BDNF: variants seen among roughly 807,000 people sequenced by gnomAD.
BDNF encodes brain derived neurotrophic factor, also known as neurotrophic factor BDNF precursor form.
In BDNF, 1 loss-of-function variant was observed where a neutral mutation model predicts 19.5. That is an observed-to-expected ratio of 0.05 (90% CI 0.02 to 0.24). The LOEUF (loss-of-function observed/expected upper bound fraction) is 0.24. Among genes scored for constraint, BDNF ranks in the 10% least tolerant of loss-of-function variants. BDNF has a pLI of 1.00. For synonymous variants in BDNF, 100 were observed against 121.6 expected, an observed-to-expected ratio of 0.82 and a Z score of 1.17; for missense variants, 195 against 317.6, an observed-to-expected ratio of 0.61 and a Z score of 2.93.
chr11:27,708,528 C>T (rs114816274), intron 1 of BDNF, among the ~76,000 whole-genome samples: 1 of 151,614 alleles, frequency 6.6e-6, no homozygotes, highest in Non-Finnish European at 1.5e-5. Context: ...TTTGGAAATT[C>T]ATATTGTTAT....
intron 1 of BDNF, among the ~76,000 whole-genome samples, chr11:27,712,740 C>T (rs1409546678): frequency 1.3e-5 from 2 of 151,558 alleles, no homozygotes; most frequent in Non-Finnish European, 2.9e-5. Flanking sequence ...GTCTGGAACT[C>T]CTGACCTCAA....
At chr11:27,670,382 T>C (rs1313576194) in intron 1 of BDNF, among the ~76,000 whole-genome samples, 4 of 152,046 alleles carry the variant, frequency 2.6e-5, no homozygotes, top group Non-Finnish European at 5.9e-5. Flanking sequence ...CCAAAAGCAA[T>C]GGCAACAAAA....
rs914389024 is a variant in BDNF, at chr11:27,693,952, C to A, written c.-22+6212G>T. Reference sequence around the variant, plus strand: ...CTTTAGATATATGTGCATACACACACACGCACCTTTATTTTAGTAATTTTT... The same window carrying A: ...CTTTAGATATATGTGCATACACACAAACGCACCTTTATTTTAGTAATTTTT... On this transcript the variant is annotated intron_variant, in intron 1 of 1. Transcript: ENST00000356660. 7.9e-5 allele frequency among the ~76,000 whole-genome samples: 12 copies of A among 152,246 alleles called. No individual in the cohort carries two copies. In the East Asian group the frequency reaches 1.9e-3, roughly 24 times the overall value.
chr11:27,658,844 A>C lies in BDNF; in HGVS notation c.-21-259T>G. Reference sequence around the variant, plus strand: ...CCTGAGATTAGATGGCTTCTAAGCAAGTGCAAAAATTGTGGCTTCAAGTTC... The same window carrying C: ...CCTGAGATTAGATGGCTTCTAAGCACGTGCAAAAATTGTGGCTTCAAGTTC... On this transcript the variant is annotated intron_variant, in intron 1 of 1. Coordinates refer to ENST00000356660, the MANE Select transcript of BDNF (RefSeq NM_001709.5). The surrounding 1 kb of genome is among the most constrained non-coding windows in gnomAD (Gnocchi z 5.7). 1 of 1,345,170 alleles carries C rather than the reference A, an allele frequency of 7.4e-7. No individual in the cohort carries two copies. Among genetic ancestry groups the C allele is most frequent in the Non-Finnish European group, 9.6e-7 (1 of 1,041,934 alleles). 83.3% of individuals were successfully genotyped at this position (1,345,170 alleles called of 1,614,324 possible).
chr11:27,666,072 C>T (rs1346600806), intron 1 of BDNF, among the ~76,000 whole-genome samples: 2 of 152,160 alleles, frequency 1.3e-5, no homozygotes, highest in Non-Finnish European at 2.9e-5. Context: ...GACGAAGCTT[C>T]CAGAGGAACA....
chr11:27,700,594 TA>T (rs1859820990), upstream of BDNF: 6 of 939,518 alleles, frequency 6.4e-6, no homozygotes, highest in Non-Finnish European at 7.4e-6. Context: ...GGCGGCCGCT[TA>T]AAGGGAACGC....
intron 1 of BDNF, among the ~76,000 whole-genome samples, chr11:27,714,016 T>C (rs76307246): frequency 0.024 from 3,612 of 152,360 alleles, 134 homozygotes; most frequent in African/African-American, 0.082. Flanking sequence ...ATGTCTGTTA[T>C]GCCTAGTGCA....
In BDNF at chr11:27,711,564, A is replaced by G. The variant is rs1274496791; in HGVS notation, c.3+9848T>C. 3.3e-5 allele frequency among the ~76,000 whole-genome samples: 5 copies of G among 152,192 alleles called. No individual in the cohort carries two copies. In the East Asian group the frequency reaches 9.6e-4, roughly 29 times the overall value. The stretch of plus-strand genomic sequence containing the variant: ...GAGACCCAGATTAAATCTGGGTGGT[A>G]GCTATAAGATGGGGAGGCACAACTT... On this transcript the variant is annotated intron_variant, in intron 1 of 1. Coordinates refer to the BDNF transcript ENST00000314915.
chr11:27,701,438 C>T, upstream of BDNF: 1 of 1,037,356 alleles, frequency 9.6e-7, no homozygotes, highest in Middle Eastern at 4.8e-4. Context: ...TCTTTGGTGC[C>T]CGGTATGTAC....
chr11:27,699,807 A>G (rs1859681950), intron 1 of BDNF: 4 of 890,046 alleles, frequency 4.5e-6, no homozygotes, highest in Non-Finnish European at 5.9e-6. Flanking sequence ...GACCCTCGAC[A>G]GCTCTGGCCC....
chr11:27,704,750 A>T (rs780289606), upstream of BDNF, among the ~76,000 whole-genome samples: 2 of 152,216 alleles, frequency 1.3e-5, no homozygotes, highest in Non-Finnish European at 2.9e-5. Context: ...CAATCCTTGA[A>T]ATTCTTGTAT....
At chr11:27,663,893 G>C (rs963387406) in intron 1 of BDNF, among the ~76,000 whole-genome samples, 4 of 152,170 alleles carry the variant, frequency 2.6e-5, no homozygotes, top group Non-Finnish European at 5.9e-5. Flanking sequence ...TTTAAGGCTT[G>C]ATTACTTAAA....
intron 1 of BDNF, among the ~76,000 whole-genome samples, chr11:27,692,157 A>T (rs1051219501): frequency 6.6e-6 from 1 of 152,186 alleles, no homozygotes; most frequent in Non-Finnish European, 1.5e-5. Flanking sequence ...TAGATGATTC[A>T]AAGGCAGAAA....
intron 1 of BDNF, among the ~76,000 whole-genome samples, chr11:27,671,343 GCAT>G (rs935548507): frequency 3.3e-5 from 5 of 151,710 alleles, no homozygotes; most frequent in African/African-American, 9.7e-5. Flanking sequence ...TATCAAGTAA[GCAT>G]CATATTTAAT....
At chr11:27,701,290 A>G, upstream of BDNF, 2 of 1,126,082 alleles carry the variant, frequency 1.8e-6, no homozygotes, top group Non-Finnish European at 2.2e-6. Context: ...AAAGAAAACA[A>G]ACCCACCTTT....
chr11:27,695,966 C>T (rs1234673686), intron 1 of BDNF, among the ~76,000 whole-genome samples: 2 of 152,046 alleles, frequency 1.3e-5, no homozygotes, highest in Non-Finnish European at 2.9e-5. Flanking sequence ...AAAGAGAATA[C>T]CTTCCTGTTC....
chr11:27,719,484 C>G, intron 1 of BDNF: 1 of 985,506 alleles, frequency 1.0e-6, no homozygotes, highest in Non-Finnish European at 1.2e-6. Context: ...GCTCCCCTTT[C>G]CCTGAGTTAC....
At chr11:27,706,414 G>C (rs1168802423) in intron 1 of BDNF, among the ~76,000 whole-genome samples, 1 of 152,156 alleles carries the variant, frequency 6.6e-6, no homozygotes, top group Non-Finnish European at 1.5e-5. Context: ...CAATGCTGGT[G>C]CTTGGAAGTC....
chr11:27,684,057 T>A (rs192949610), intron 1 of BDNF, among the ~76,000 whole-genome samples: 11,964 of 152,222 alleles, frequency 0.079, 603 homozygotes, highest in South Asian at 0.24. Context: ...TTCTTCCATT[T>A]GTTTGTGTCC....
Sources: gnomAD v4.1 joint callset for allele counts (sites outside exome capture counted in the v4.1 genomes callset) on GRCh38, gnomAD v4.1.1 for gene constraint, Gnocchi (gnomAD v3.1) non-coding constraint, MANE v1.5 for transcripts, NCBI Gene and HGNC (gene_info 2026-07-23, HGNC 2026-07-21) for gene names.